Variants in CSMD3 observed in about 807,000 individuals in gnomAD.
The protein encoded by CSMD3 is CUB and Sushi multiple domains 3, also known as CUB and sushi domain-containing protein 3.
Under a neutral mutation model 435.2 loss-of-function variants are expected in CSMD3, and 177 were observed. The observed-to-expected ratio is 0.41, with a 90% CI of 0.36 to 0.46. The LOEUF is 0.46. Ranked by LOEUF, CSMD3 falls within the 20% of genes least tolerant of loss-of-function variation. The pLI, the probability that CSMD3 is intolerant of heterozygous loss-of-function variation, is 0.34. For missense variants in CSMD3, 4,265 were observed against 4,504.6 expected (o/e 0.95, Z 1.52); for synonymous variants, 1,656 against 1,520.5 (o/e 1.09, Z -2.07).
intron 12 of CSMD3, among the ~76,000 whole-genome samples, chr8:112,811,366 C>G (rs562568203): frequency 2.4e-4 from 37 of 151,706 alleles, no homozygotes; most frequent in African/African-American, 8.9e-4. Context: ...TAGATGCTTT[C>G]TTTTTCTTTC....
chr8:113,014,696 T>A (rs2131146391), intron 6 of CSMD3, among the ~76,000 whole-genome samples: 1 of 151,764 alleles, frequency 6.6e-6, no homozygotes. Flanking sequence ...AGGGAAGGAG[T>A]CAGGGAATGT....
chr8:112,942,087 C>G (rs567284907), intron 9 of CSMD3, among the ~76,000 whole-genome samples: 10 of 151,430 alleles, frequency 6.6e-5, no homozygotes, highest in Non-Finnish European at 1.5e-4. Context: ...GTCCCCTGTG[C>G]ACCCTCTCTT....
At chr8:112,310,814 G>T in intron 50 of CSMD3, 164 bp downstream of exon 50, 1 of 714,606 alleles carries the variant, frequency 1.4e-6, no homozygotes, top group Non-Finnish European at 2.5e-6. Flanking sequence ...TCTTTCCCCT[G>T]GAATTTATCA....
Position 112,993,229 on chromosome 8 carries a change from G to A in CSMD3, c.1031-17081C>T, listed in dbSNP as rs184971476. ...CTAAAAGCTGAGGAGCAGAGTCCCT[G>A]AAAGAAACAGATGCTGTGAGCAGCA... On this transcript the variant is annotated intron_variant, in intron 6 of 70. Transcript: ENST00000297405. Among the ~76,000 whole-genome samples, 308 of 151,928 alleles carry A rather than the reference G, an allele frequency of 2.0e-3. 1 individual carries two copies. Among genetic ancestry groups the A allele is most frequent in the Non-Finnish European group, 3.6e-3 (246 of 67,866 alleles).
At chr8:112,307,180 G>A (rs1393091427) in intron 50 of CSMD3, among the ~76,000 whole-genome samples, 4 of 151,946 alleles carry the variant, frequency 2.6e-5, no homozygotes, top group Admixed American at 6.6e-5. Context: ...CTGGAGTGCG[G>A]TGGCACTATC....
chr8:112,932,103 C>T (rs911207371), intron 9 of CSMD3, among the ~76,000 whole-genome samples: 1 of 152,136 alleles, frequency 6.6e-6, no homozygotes, highest in African/African-American at 2.4e-5. Context: ...GGGTATTCAT[C>T]CAAAGGAAAG....
chr8:113,301,120 A>T (rs977515087), intron 2 of CSMD3, among the ~76,000 whole-genome samples: 2 of 151,726 alleles, frequency 1.3e-5, no homozygotes, highest in African/African-American at 4.9e-5. Flanking sequence ...AAAGTTAAAA[A>T]TGACCACAAC....
chr8:112,441,905 G>T (rs957837269), intron 32 of CSMD3, among the ~76,000 whole-genome samples: 1 of 151,780 alleles, frequency 6.6e-6, no homozygotes, highest in African/African-American at 2.4e-5. Flanking sequence ...ATTTGGTGGG[G>T]ACACAGAGCC....
At chr8:112,754,462 T>G (rs888145816) in intron 13 of CSMD3, among the ~76,000 whole-genome samples, 4 of 151,988 alleles carry the variant, frequency 2.6e-5, no homozygotes, top group African/African-American at 9.7e-5. Context: ...AGCAGTAATT[T>G]CAAGTGTTTT....
intron 6 of CSMD3, among the ~76,000 whole-genome samples, chr8:113,017,546 T>C (rs895797621): frequency 2.6e-5 from 4 of 151,938 alleles, no homozygotes; most frequent in African/African-American, 4.8e-5. Context: ...TCCATGAATC[T>C]AGTAGAAAAG....
intron 12 of CSMD3, among the ~76,000 whole-genome samples, chr8:112,807,700 C>T (rs1368065845): frequency 6.6e-6 from 1 of 152,140 alleles, no homozygotes; most frequent in African/African-American, 2.4e-5. Context: ...GTAGAGCTCA[C>T]ATAGAGCAGA....
intron 30 of CSMD3, among the ~76,000 whole-genome samples, chr8:112,500,711 A>G (rs1220713663): frequency 1.3e-5 from 2 of 152,176 alleles, no homozygotes; most frequent in East Asian, 1.9e-4. Context: ...AGCCTGCAAA[A>G]TGGAGCTGCA....
intron 10 of CSMD3, among the ~76,000 whole-genome samples, chr8:112,906,522 C>A (rs141669161): frequency 0.011 from 1,622 of 151,602 alleles, 16 homozygotes; most frequent in Non-Finnish European, 0.018. Context: ...GTATTTCTTA[C>A]CTATTTTTTT....
intron 63 of CSMD3, among the ~76,000 whole-genome samples, chr8:112,249,672 T>C: frequency 6.6e-6 from 1 of 152,182 alleles, no homozygotes; most frequent in East Asian, 1.9e-4. Flanking sequence ...TAACTGAGAA[T>C]CTATCTAGCA....
At chr8:112,238,757 T>C (rs1813838886) in intron 66 of CSMD3, among the ~76,000 whole-genome samples, 1 of 149,922 alleles carries the variant, frequency 6.7e-6, no homozygotes, top group South Asian at 2.1e-4. Context: ...GATCAAATAC[T>C]TTCTTTGCAA....
intron 22 of CSMD3, among the ~76,000 whole-genome samples, chr8:112,633,680 C>T (rs1420572191): frequency 2.0e-5 from 3 of 151,878 alleles, no homozygotes; most frequent in Non-Finnish European, 4.4e-5. Flanking sequence ...TTGCCAAATT[C>T]TACCAAAAGA....
chr8:112,390,194 G>C (rs1263053511), intron 36 of CSMD3, among the ~76,000 whole-genome samples: 1 of 152,176 alleles, frequency 6.6e-6, no homozygotes, highest in African/African-American at 2.4e-5. Flanking sequence ...TTCCTGAAAA[G>C]TTTTCTTAAC....
intron 13 of CSMD3, among the ~76,000 whole-genome samples, chr8:112,693,660 A>C (rs915753767): frequency 6.6e-6 from 1 of 151,840 alleles, no homozygotes; most frequent in African/African-American, 2.4e-5. Flanking sequence ...TGCTCAATAG[A>C]CTACTTCTGT....
Position 112,619,572 on chromosome 8 carries a change from A to G in CSMD3, c.3715+17245T>C, listed in dbSNP as rs961015395. ...GGAAAGTAATCAAAAAAGAACTTGT[A>G]CCATATTGTCCCACAGATTTGCATC... On this transcript the variant is annotated intron_variant, in intron 22 of 70. Transcript: ENST00000297405. 3.9e-5 allele frequency among the ~76,000 whole-genome samples: 6 copies of G among 152,124 alleles called. No homozygotes were observed. In the South Asian group the frequency reaches 8.3e-4, roughly 21 times the overall value.
Sources: allele counts gnomAD v4.1 joint callset (sites outside exome capture counted in the v4.1 genomes callset), GRCh38; gene constraint gnomAD v4.1.1; transcripts MANE v1.5; gene names NCBI Gene and HGNC (gene_info 2026-07-23, HGNC 2026-07-21).